RIMBP2: variants seen among roughly 807,000 people sequenced by gnomAD.
The protein encoded by RIMBP2 is RIMS-binding protein 2.
A neutral mutation model predicts 118.6 loss-of-function variants in RIMBP2; 48 were observed. The observed-to-expected ratio is 0.40, with a 90% CI of 0.32 to 0.51. The LOEUF (loss-of-function observed/expected upper bound fraction) is 0.51, where lower values mean the gene tolerates loss of function less well. RIMBP2 is among the 20% of genes least tolerant of loss of function. The probability of loss-of-function intolerance (pLI) is 0.41; values close to 1 mark genes in which losing one functional copy is unlikely to be tolerated. For missense variants in RIMBP2, 1,551 were observed against 1,768.3 expected (o/e 0.88, Z 2.20); for synonymous variants, 762 against 742.9 (o/e 1.03, Z -0.42).
At chr12:130,458,837 G>A (rs1243821989) in intron 6 of RIMBP2, among the ~76,000 whole-genome samples, 1 of 152,050 alleles carries the variant, frequency 6.6e-6, no homozygotes, top group Admixed American at 6.6e-5. Context: ...CTGAGCTCAG[G>A]AGTTCGAGAC....
At chr12:130,658,622 A>C (rs2063525090) in intron 1 of RIMBP2, 1 of 152,232 alleles carries the variant, frequency 6.6e-6, no homozygotes, top group Admixed American at 6.5e-5. Flanking sequence ...TTAAATATTC[A>C]TAGGCAAGCG....
intron 1 of RIMBP2, among the ~76,000 whole-genome samples, chr12:130,692,718 T>G (rs1340627557): frequency 6.6e-6 from 1 of 151,892 alleles, no homozygotes; most frequent in African/African-American, 2.4e-5. Context: ...TGGAATGGGA[T>G]GGGGTGCAGT....
chr12:130,605,355 G>T (rs1020199987), intron 2 of RIMBP2, among the ~76,000 whole-genome samples: 1 of 152,112 alleles, frequency 6.6e-6, no homozygotes, highest in Non-Finnish European at 1.5e-5. Context: ...CGGGGAAACC[G>T]TGTTTCCAAC....
chr12:130,476,248 C>A (rs2081414743), intron 5 of RIMBP2, among the ~76,000 whole-genome samples: 1 of 152,174 alleles, frequency 6.6e-6, no homozygotes, highest in Admixed American at 6.5e-5. Context: ...ACAAAAGCCA[C>A]TTGTTGGGGG....
chr12:130,567,698 G>C (rs2057327757), intron 2 of RIMBP2, among the ~76,000 whole-genome samples: 1 of 152,226 alleles, frequency 6.6e-6, no homozygotes, highest in African/African-American at 2.4e-5. Context: ...AGCCACAGCG[G>C]CCAACACCCC....
At position 130,634,941 on chromosome 12, in the gene RIMBP2, CAG is replaced by C. The variant is rs1185876422; in HGVS notation, c.-351-6487_-351-6486del. On this transcript the variant is annotated intron_variant, in intron 1 of 22. Transcript: ENST00000690449. Reference sequence around the variant, plus strand: ...AATCATTTTCTGTTTCCAGTAACAACAGAGTCTCCAGCACATTAATTAAAGTC... The same window carrying C: ...AATCATTTTCTGTTTCCAGTAACAACAGTCTCCAGCACATTAATTAAAGTC... Among the ~76,000 whole-genome samples, 4 of 152,174 alleles carry C rather than the reference CAG, an allele frequency of 2.6e-5. No individual in the cohort carries two copies. In the East Asian group the frequency reaches 7.8e-4, roughly 30 times the overall value.
At chr12:130,672,204 C>T (rs2064231579) in intron 1 of RIMBP2, among the ~76,000 whole-genome samples, 1 of 152,232 alleles carries the variant, frequency 6.6e-6, no homozygotes, top group African/African-American at 2.4e-5. Context: ...ACTCAAAATG[C>T]TCTGCTCTAA....
intron 2 of RIMBP2, among the ~76,000 whole-genome samples, chr12:130,610,048 T>C (rs1486718647): frequency 6.6e-6 from 1 of 152,258 alleles, no homozygotes; most frequent in East Asian, 1.9e-4. Context: ...GCCAGTTCTC[T>C]GGGCATCCCT....
chr12:130,633,302 C>T (rs1390596749), intron 1 of RIMBP2, among the ~76,000 whole-genome samples: 1 of 152,120 alleles, frequency 6.6e-6, no homozygotes, highest in African/African-American at 2.4e-5. Flanking sequence ...TAGGAATTTC[C>T]ACTTGAGATT....
chr12:130,701,403 C>T (rs1010155591), intron 1 of RIMBP2, among the ~76,000 whole-genome samples: 24 of 152,228 alleles, frequency 1.6e-4, no homozygotes, highest in Non-Finnish European at 2.9e-4. Context: ...TTACATCACA[C>T]GTGGAACTGC....
chr12:130,575,855 G>A (rs921402950), intron 2 of RIMBP2, among the ~76,000 whole-genome samples: 7 of 152,196 alleles, frequency 4.6e-5, no homozygotes, highest in African/African-American at 1.4e-4. Flanking sequence ...GAAAATAATC[G>A]TGGTGGAAAT....
intron 1 of RIMBP2, among the ~76,000 whole-genome samples, chr12:130,656,692 C>T (rs2063443952): frequency 6.6e-6 from 1 of 152,100 alleles, no homozygotes. Flanking sequence ...CCCAAACTTC[C>T]CCTTTCTAAA....
chr12:130,478,977 A>T lies in RIMBP2; in HGVS notation c.37T>A (p.Leu13Met). 6.2e-7 allele frequency: 1 copy of T among 1,613,910 alleles called. No individual in the cohort carries two copies. The highest frequency in any genetic ancestry group is 8.5e-7 in the Non-Finnish European group (1 of 1,179,968). Residue 13 changes from leucine to methionine, a missense_variant, in exon 5 of 23, where the codon TTG becomes ATG. By Grantham distance (15) the Leu-to-Met change is conservative. Around this residue, in one of 5 missense-constraint regions of RIMBP2, gnomAD observed 239 missense variants for 256.8 expected, o/e 0.93. Transcript: ENST00000690449. ...EAAERRQQLQ[L>M]EHDQALAVLS... ...ACAGCCAGGGCCTGGTCATGCTCCA[A>T]CTGCAGCTGCTGCCGCCGTTCAGCC...
chr12:130,481,742 T>G (rs2082027516), intron 4 of RIMBP2, among the ~76,000 whole-genome samples: 1 of 152,196 alleles, frequency 6.6e-6, no homozygotes, highest in African/African-American at 2.4e-5. Context: ...CTTCCCACGT[T>G]TACTCCAGCT....
intron 4 of RIMBP2, among the ~76,000 whole-genome samples, chr12:130,485,363 G>A (rs2082386861): frequency 6.6e-6 from 1 of 152,252 alleles, no homozygotes; most frequent in South Asian, 2.1e-4. Flanking sequence ...AAAAGCCACA[G>A]CTGGAACATG....
chr12:130,588,085 C>T (rs2059029175), intron 2 of RIMBP2, among the ~76,000 whole-genome samples: 1 of 152,068 alleles, frequency 6.6e-6, no homozygotes, highest in Non-Finnish European at 1.5e-5. Flanking sequence ...CCTGCTGTTC[C>T]CCCATCCCAT....
chr12:130,636,131 C>T (rs986119927), intron 1 of RIMBP2, among the ~76,000 whole-genome samples: 9 of 152,168 alleles, frequency 5.9e-5, no homozygotes, highest in Non-Finnish European at 1.0e-4. Flanking sequence ...TGGCCTCTCT[C>T]GGCCAGACCT....
chr12:130,700,962 A>C (rs1336237601), intron 1 of RIMBP2, among the ~76,000 whole-genome samples: 1 of 152,220 alleles, frequency 6.6e-6, no homozygotes, highest in Admixed American at 6.5e-5. Context: ...TCCTGTACTG[A>C]GCATGGTGTG....
intron 2 of RIMBP2, among the ~76,000 whole-genome samples, chr12:130,532,672 G>T (rs796214918): frequency 0.013 from 1,198 of 90,750 alleles, 4 homozygotes; most frequent in Admixed American, 0.024. Flanking sequence ...CTCTAGGAGG[G>T]ACGTCTAATG....
Sources: allele counts gnomAD v4.1 joint callset (sites outside exome capture counted in the v4.1 genomes callset), GRCh38; gene constraint gnomAD v4.1.1; regional missense constraint gnomAD v4.1.1; transcripts MANE v1.5; gene names NCBI Gene and HGNC (gene_info 2026-07-23, HGNC 2026-07-21).